CSMD1: variants seen among roughly 807,000 people sequenced by gnomAD.
CSMD1 encodes CUB and sushi domain-containing protein 1.
CSMD1 carries 213 observed loss-of-function variants against 417.5 expected under a neutral mutation model. That is an observed-to-expected ratio of 0.51 (90% CI 0.46 to 0.57). The LOEUF (loss-of-function observed/expected upper bound fraction) is 0.57. Ranked by LOEUF, CSMD1 falls within the 20% of genes least tolerant of loss-of-function variation. CSMD1 has a pLI of 0.00. For missense variants in CSMD1, 6,923 were observed against 4,529.7 expected, an observed-to-expected ratio of 1.53 and a Z score of -15.17; for synonymous variants, 2,862 against 1,736.8, an observed-to-expected ratio of 1.65 and a Z score of -16.11.
chr8:3,323,546 A>G (rs1806291150), intron 23 of CSMD1, among the ~76,000 whole-genome samples: 1 of 151,346 alleles, frequency 6.6e-6, no homozygotes, highest in Non-Finnish European at 1.5e-5. Flanking sequence ...ATCAAAAGAA[A>G]ACTTTAAACA....
intron 26 of CSMD1, among the ~76,000 whole-genome samples, chr8:3,243,293 C>T (rs964657445): frequency 6.6e-5 from 10 of 152,090 alleles, no homozygotes; most frequent in Admixed American, 2.0e-4. Context: ...CAAGGGAGGT[C>T]CCCCGATCCG....
At chr8:4,406,985 G>C (rs535789003) in intron 3 of CSMD1, among the ~76,000 whole-genome samples, 2 of 152,272 alleles carry the variant, frequency 1.3e-5, no homozygotes, top group East Asian at 1.9e-4. Context: ...AAATGTTCTA[G>C]CTTTAGGGTT....
intron 10 of CSMD1, among the ~76,000 whole-genome samples, chr8:3,539,885 C>T (rs540905374): frequency 2.5e-4 from 38 of 152,054 alleles, no homozygotes; most frequent in Admixed American, 7.9e-4. Flanking sequence ...ACTTAGAAAA[C>T]GGCTTCCCTT....
In CSMD1 at chr8:4,578,332, A is replaced by ATTTTTTTTTTTTTTTTTT. The variant is rs1172600205; in HGVS notation, c.302+58992_302+59009dup. On this transcript the variant is annotated intron_variant, in intron 2 of 69. Coordinates refer to ENST00000635120, the MANE Select transcript of CSMD1 (RefSeq NM_033225.6). Reference sequence around the variant, plus strand: ...AGGCACCTGCCACGACACCCGGCTCATTTTTTTTTTTTTTTTTTTTTTTTT... The same window carrying ATTTTTTTTTTTTTTTTTT: ...AGGCACCTGCCACGACACCCGGCTCATTTTTTTTTTTTTTTTTTTTTTTTTTTTTTTTTTTTTTTTTTT... 3.3e-4 allele frequency among the ~76,000 whole-genome samples: 16 copies of ATTTTTTTTTTTTTTTTTT among 48,768 alleles called. 1 individual carries two copies. The highest frequency in any genetic ancestry group is 6.9e-4 in the African/African-American group (9 of 13,100). The allele number at this position is 48,768 out of a possible 152,430, so 32.0% of individuals were successfully genotyped here. A position where few individuals can be genotyped will look rare whatever the true frequency, so the allele number is the denominator to read the frequency against.
At chr8:4,897,099 T>G (rs1305460898) in intron 1 of CSMD1, among the ~76,000 whole-genome samples, 4 of 152,044 alleles carry the variant, frequency 2.6e-5, no homozygotes, top group East Asian at 1.9e-4. Flanking sequence ...ATTTCAGGCT[T>G]GACTTTGGGT....
At chr8:3,708,179 G>A (rs79519582) in intron 7 of CSMD1, among the ~76,000 whole-genome samples, 1 of 152,196 alleles carries the variant, frequency 6.6e-6, no homozygotes, top group South Asian at 2.1e-4. Flanking sequence ...TCCAGTCTCA[G>A]ACAGTGATCA....
At chr8:3,150,911 T>TA (rs532546261) in intron 40 of CSMD1, among the ~76,000 whole-genome samples, 47 of 152,216 alleles carry the variant, frequency 3.1e-4, no homozygotes, top group Middle Eastern at 3.4e-3. Context: ...AACTAGATAT[T>TA]AAAAAAACAA....
In CSMD1 at chr8:3,451,141, C is replaced by T. The variant is rs141259059; in HGVS notation, c.1561+17571G>A. Among the ~76,000 whole-genome samples, 1,136 of 152,222 alleles carry T rather than the reference C, an allele frequency of 7.5e-3. 18 individuals carry two copies. Among genetic ancestry groups the T allele is most frequent in the African/African-American group, 0.024 (1,008 of 41,540 alleles). On this transcript the variant is annotated intron_variant, in intron 12 of 69. Coordinates refer to ENST00000635120, the MANE Select transcript of CSMD1 (RefSeq NM_033225.6). ...TTGAGAAGTGTCTGTTCATATCCTT[C>T]GCCCACTTTTTGATGGGGTTGCTTG...
intron 1 of CSMD1, among the ~76,000 whole-genome samples, chr8:4,886,488 G>A (rs1057079743): frequency 1.3e-5 from 2 of 151,672 alleles, no homozygotes; most frequent in African/African-American, 2.4e-5. Context: ...TTAGTTTATT[G>A]GCATCAAATT....
At chr8:4,552,430 T>G (rs1474538471) in intron 2 of CSMD1, among the ~76,000 whole-genome samples, 1 of 152,128 alleles carries the variant, frequency 6.6e-6, no homozygotes, top group East Asian at 1.9e-4. Context: ...CATCTCCTAT[T>G]GGTTCAACAA....
intron 19 of CSMD1, among the ~76,000 whole-genome samples, chr8:3,367,932 G>C (rs1240223736): frequency 2.0e-5 from 3 of 152,254 alleles, no homozygotes; most frequent in South Asian, 2.1e-4. Context: ...CTCTAAACAG[G>C]TGTCCTTTAG....
At chr8:3,974,172 A>C (rs571957947) in intron 5 of CSMD1, among the ~76,000 whole-genome samples, 64 of 152,096 alleles carry the variant, frequency 4.2e-4, no homozygotes, top group Non-Finnish European at 7.9e-4. Flanking sequence ...ACTCGCACAC[A>C]CCCCCACAGT....
At chr8:4,555,211 C>A (rs544762313) in intron 2 of CSMD1, among the ~76,000 whole-genome samples, 4 of 152,070 alleles carry the variant, frequency 2.6e-5, no homozygotes, top group Non-Finnish European at 5.9e-5. Context: ...AGAATGAATG[C>A]AGGAAGACCA....
At position 3,529,374 on chromosome 8, in the gene CSMD1, C is replaced by G. The variant is rs1223294826; in HGVS notation, c.1345-35648G>C. Among the ~76,000 whole-genome samples the G allele has an allele frequency of 5.3e-5, 8 of 152,154 alleles. No individual in the cohort carries two copies. The South Asian group carries it at 1.7e-3, about 32-fold the overall frequency. On this transcript the variant is annotated intron_variant, in intron 10 of 69. Transcript: ENST00000635120. ...AATCAATTCAAGAAAGAGTAACTCC[C>G]TCTTAAAATAATTGACTATATTGAA...
intron 3 of CSMD1, among the ~76,000 whole-genome samples, chr8:4,207,110 T>C (rs1800023504): frequency 6.6e-6 from 1 of 152,182 alleles, no homozygotes. Flanking sequence ...TCTCATTTTC[T>C]AAATAGTCTT....
intron 2 of CSMD1, among the ~76,000 whole-genome samples, chr8:4,564,771 A>C (rs1425573255): frequency 6.6e-6 from 1 of 152,358 alleles, no homozygotes; most frequent in African/African-American, 2.4e-5. Flanking sequence ...TCATCAAAAA[A>C]GAAATCACTA....
At chr8:3,953,084 G>A (rs920495574) in intron 5 of CSMD1, among the ~76,000 whole-genome samples, 13 of 151,840 alleles carry the variant, frequency 8.6e-5, no homozygotes, top group African/African-American at 3.1e-4. Context: ...TATTTGTAAA[G>A]GAGAAGAAAA....
chr8:4,207,403 G>C (rs1305302029), intron 3 of CSMD1, among the ~76,000 whole-genome samples: 2 of 152,054 alleles, frequency 1.3e-5, no homozygotes, highest in African/African-American at 2.4e-5. Context: ...ATTTTAATAA[G>C]CAAATCATAT....
chr8:3,300,951 T>A (rs1380854541), intron 25 of CSMD1, among the ~76,000 whole-genome samples: 1 of 95,926 alleles, frequency 1.0e-5, no homozygotes, highest in Non-Finnish European at 1.9e-5. Context: ...AGAGTGAGAC[T>A]CTGTCTCAAA....
Sources: allele counts gnomAD v4.1 joint callset (sites outside exome capture counted in the v4.1 genomes callset), GRCh38; gene constraint gnomAD v4.1.1; transcripts MANE v1.5; gene names NCBI Gene and HGNC (gene_info 2026-07-23, HGNC 2026-07-21).